The following PEX5L variants were observed in gnomAD, a reference collection of about 807,000 sequenced individuals.
The protein encoded by PEX5L is peroxisomal biogenesis factor 5 like.
Under a neutral mutation model 84.0 loss-of-function variants are expected in PEX5L, and 30 were observed. The observed-to-expected ratio is 0.36, with a 90% CI of 0.27 to 0.48. PEX5L has a LOEUF of 0.48. PEX5L is among the 20% of genes least tolerant of loss of function. The pLI is 0.99. For missense variants in PEX5L, 533 were observed against 754.6 expected (o/e 0.71, Z 3.44); for synonymous variants, 270 against 283.1 (o/e 0.95, Z 0.46).
chr3:179,861,567 C>T (rs1270418359), intron 7 of PEX5L, among the ~76,000 whole-genome samples: 3 of 152,192 alleles, frequency 2.0e-5, no homozygotes, highest in Admixed American at 6.5e-5. Flanking sequence ...GGAGCATCAG[C>T]GCCTCACTGT....
At chr3:179,894,635 G>C (rs1372892177) in intron 3 of PEX5L, among the ~76,000 whole-genome samples, 3 of 152,052 alleles carry the variant, frequency 2.0e-5, no homozygotes, top group African/African-American at 7.2e-5. Flanking sequence ...CCCAAACAAG[G>C]CTGTACTTAC....
intron 2 of PEX5L, among the ~76,000 whole-genome samples, chr3:179,952,188 G>A (rs933748333): frequency 5.3e-5 from 8 of 152,236 alleles, no homozygotes; most frequent in Admixed American, 2.0e-4. Flanking sequence ...CATTTAATCC[G>A]GATTCTGTAA....
intron 1 of PEX5L, among the ~76,000 whole-genome samples, chr3:180,009,051 T>C (rs751180324): frequency 6.6e-6 from 1 of 152,370 alleles, no homozygotes. Context: ...TTACTCATCA[T>C]TGCTATTTCT....
chr3:179,819,798 T>C (rs995558523), intron 9 of PEX5L, 62 bp downstream of exon 9: 76 of 1,423,960 alleles, frequency 5.3e-5, no homozygotes, highest in Middle Eastern at 1.8e-4. Flanking sequence ...GACTAATCTA[T>C]AAAATATGAT....
At chr3:180,006,281 T>G (rs1487117543) in intron 1 of PEX5L, among the ~76,000 whole-genome samples, 1 of 152,150 alleles carries the variant, frequency 6.6e-6, no homozygotes, top group African/African-American at 2.4e-5. Context: ...GCCACTTCCT[T>G]CTTTATTATT....
At chr3:179,893,384 A>G (rs1436758801) in intron 3 of PEX5L, among the ~76,000 whole-genome samples, 1 of 152,178 alleles carries the variant, frequency 6.6e-6, no homozygotes, top group Non-Finnish European at 1.5e-5. Flanking sequence ...AATAAGATGA[A>G]AAGATGTTTT....
intron 1 of PEX5L, among the ~76,000 whole-genome samples, chr3:180,034,623 G>A (rs1791738181): frequency 6.6e-6 from 1 of 152,004 alleles, no homozygotes; most frequent in East Asian, 1.9e-4. Flanking sequence ...ACTACTAAAC[G>A]TACCTACTAA....
intron 8 of PEX5L, among the ~76,000 whole-genome samples, chr3:179,829,527 C>T (rs1731833263): frequency 6.6e-6 from 1 of 152,130 alleles, no homozygotes. Context: ...TAACACTTTG[C>T]TGATAGGGCT....
At chr3:180,004,012 CA>C (rs1207973466) in intron 1 of PEX5L, among the ~76,000 whole-genome samples, 1 of 152,150 alleles carries the variant, frequency 6.6e-6, no homozygotes, top group African/African-American at 2.4e-5. Flanking sequence ...TCCCCCCGCC[CA>C]AGAGGTGTGA....
At chr3:179,959,067 A>C (rs527585575) in intron 2 of PEX5L, among the ~76,000 whole-genome samples, 1 of 152,058 alleles carries the variant, frequency 6.6e-6, no homozygotes, top group African/African-American at 2.4e-5. Context: ...ACCGAAAAAA[A>C]AAAAATAAAA....
Position 179,928,579 on chromosome 3 carries a change from A to G in PEX5L, c.94-30333T>C, listed in dbSNP as rs186817785. On this transcript the variant is annotated intron_variant, in intron 2 of 14. Coordinates refer to ENST00000467460, the MANE Select transcript of PEX5L (RefSeq NM_016559.3). ...TAAACAGTTGTGTATCTGAGTTACA[A>G]TCTCAACTCTCCAACTGATTCTGGA... 2.8e-3 allele frequency among the ~76,000 whole-genome samples: 429 copies of G among 152,312 alleles called. 1 individual carries two copies. The highest frequency in any genetic ancestry group is 9.8e-3 in the African/African-American group (407 of 41,550).
At chr3:179,992,913 T>A (rs370668634) in intron 1 of PEX5L, among the ~76,000 whole-genome samples, 1 of 150,762 alleles carries the variant, frequency 6.6e-6, no homozygotes, top group Non-Finnish European at 1.5e-5. Flanking sequence ...TATGTACATA[T>A]GTATGTATTT....
intron 14 of PEX5L, chr3:179,804,499 C>T (rs903387361): frequency 6.6e-6 from 1 of 152,146 alleles, no homozygotes; most frequent in African/African-American, 2.4e-5. Context: ...TAGTCTGGAG[C>T]TCTATTGACA....
chr3:179,840,136 T>C (rs1736503599), intron 8 of PEX5L, among the ~76,000 whole-genome samples: 1 of 149,728 alleles, frequency 6.7e-6, no homozygotes, highest in African/African-American at 2.5e-5. Context: ...TTATTTGTAA[T>C]GGAAAACTAT....
At chr3:180,027,515 CAT>C (rs1368209083) in intron 1 of PEX5L, among the ~76,000 whole-genome samples, 1 of 152,176 alleles carries the variant, frequency 6.6e-6, no homozygotes, top group Non-Finnish European at 1.5e-5. Flanking sequence ...TACACACACA[CAT>C]GCATACACAT....
chr3:179,937,461 G>C (rs757609769), intron 2 of PEX5L, among the ~76,000 whole-genome samples: 21 of 152,068 alleles, frequency 1.4e-4, no homozygotes, highest in Non-Finnish European at 2.2e-4. Flanking sequence ...AGAAGCACTG[G>C]ACATTTTTGC....
intron 11 of PEX5L, among the ~76,000 whole-genome samples, chr3:179,810,608 C>A (rs116047535): frequency 3.5e-4 from 54 of 152,210 alleles, no homozygotes; most frequent in African/African-American, 1.3e-3. Flanking sequence ...GCAGGTTTGA[C>A]AAGTTCTCAG....
Position 179,888,101 on chromosome 3 carries a change from G to A in PEX5L, c.199-317C>T, listed in dbSNP as rs549879024. 1.1e-5 allele frequency: 14 copies of A among 1,261,814 alleles called. No homozygotes were observed. In the African/African-American group the frequency reaches 1.2e-4, roughly 11 times the overall value. 78.2% of individuals were successfully genotyped at this position (1,261,814 alleles called of 1,614,324 possible). On this transcript the variant is annotated intron_variant, in intron 3 of 14. Transcript: ENST00000467460. The stretch of plus-strand genomic sequence containing the variant: ...CACGTATTGAATCATAGTTGCTAAG[G>A]GCCAATCCCACTCCTCACCTGGACA...
intron 9 of PEX5L, among the ~76,000 whole-genome samples, chr3:179,819,028 GTTCT>G (rs981012962): frequency 3.5e-5 from 5 of 141,016 alleles, no homozygotes; most frequent in African/African-American, 1.4e-4. Context: ...TAGAACTACA[GTTCT>G]TTCTTTTTTT....
Sources: allele counts gnomAD v4.1 joint callset (sites outside exome capture counted in the v4.1 genomes callset), GRCh38; gene constraint gnomAD v4.1.1; transcripts MANE v1.5; gene names NCBI Gene and HGNC (gene_info 2026-07-23, HGNC 2026-07-21).